SOCS4: variants seen among roughly 807,000 people sequenced by gnomAD.
SOCS4 encodes suppressor of cytokine signaling 4.
In SOCS4, 20 loss-of-function variants were observed where a neutral mutation model predicts 34.1. The ratio of observed to expected loss-of-function variants is 0.59; its 90% CI spans 0.41 to 0.85. SOCS4 has a LOEUF of 0.85. Among genes scored for constraint, SOCS4 ranks in the 40% least tolerant of loss-of-function variants. The pLI is 0.00. For missense variants in SOCS4, 479 were observed against 532.4 expected, an observed-to-expected ratio of 0.90 and a Z score of 0.99; for synonymous variants, 180 against 186.4, an observed-to-expected ratio of 0.97 and a Z score of 0.28.
Position 55,045,454 on chromosome 14 carries a change from G to A in SOCS4, c.*1090G>A, listed in dbSNP as rs1273249713. 1 of 166,876 alleles carries A rather than the reference G, an allele frequency of 6.0e-6. No individual in the cohort carries two copies. Among genetic ancestry groups the A allele is most frequent in the East Asian group, 1.9e-4 (1 of 5,204 alleles). 10.3% of individuals were successfully genotyped at this position (166,876 alleles called of 1,614,324 possible). A position where few individuals can be genotyped will look rare whatever the true frequency, so the allele number is the denominator to read the frequency against. The stretch of plus-strand genomic sequence containing the variant: ...ATTCAGGAAGCTTAATACTGTTTTT[G>A]ATCTACAAGATCCAAATAATTATCC... On this transcript the variant is annotated 3_prime_UTR_variant, in exon 3 of 3. Transcript: ENST00000555846.
Position 55,043,451 on chromosome 14 carries a change from G to T in SOCS4, c.410G>T (p.Arg137Leu), listed in dbSNP as rs2042639950. The T allele has an allele frequency of 6.2e-7, 1 of 1,614,020 alleles. No homozygotes were observed. Among genetic ancestry groups the T allele is most frequent in the African/African-American group, 1.3e-5 (1 of 74,928 alleles). Reference protein sequence around the residue: ...LMLDKCPFPPRSDLAFRWHFI... With the variant: ...LMLDKCPFPPLSDLAFRWHFI... ...TTAGATAAGTGTCCTTTCCCACCTCGATCAGATTTAGCCTTTAGGTGGCAT... is the reference window on the plus strand; with the variant it reads ...TTAGATAAGTGTCCTTTCCCACCTCTATCAGATTTAGCCTTTAGGTGGCAT... Residue 137 changes from arginine to leucine, a missense_variant, in exon 3 of 3, where the codon CGA becomes CTA. Physicochemically the swap from Arg to Leu is moderately radical, Grantham distance 102. Coordinates refer to ENST00000555846, the MANE Select transcript of SOCS4 (RefSeq NM_199421.2).
At position 55,043,825 on chromosome 14, in the gene SOCS4, C is replaced by G. The variant is rs750766651; in HGVS notation, c.784C>G (p.Pro262Ala). The G allele has an allele frequency of 6.2e-7, 1 of 1,614,162 alleles. No homozygotes were observed. Among genetic ancestry groups the G allele is most frequent in the Admixed American group, 1.7e-5 (1 of 60,018 alleles). The stretch of plus-strand genomic sequence containing the variant: ...TGAAATCCTGCAGTTGGAAACACCT[C>G]CTAAATACCACACGCAGATTGATTA... ...DDEILQLETP[P>A]KYHTQIDYVH... Residue 262 changes from proline to alanine, a missense_variant, in exon 3 of 3, where the codon CCT becomes GCT. Physicochemically the swap from Pro to Ala is conservative, Grantham distance 27 (BLOSUM62 -1). Transcript: ENST00000555846.
At chr14:55,040,600 C>T (rs1431196004) in intron 2 of SOCS4, among the ~76,000 whole-genome samples, 8 of 151,818 alleles carry the variant, frequency 5.3e-5, no homozygotes, top group Non-Finnish European at 8.8e-5. Flanking sequence ...AAAAATTAGC[C>T]GGGCGTGGTG....
At position 55,027,335 on chromosome 14, in the gene SOCS4, G is replaced by C; in HGVS notation, c.-356G>C. ...AAGCGGGGTTGGGGGTGGCAGAAAA[G>C]CATCTGCTTTGTAAGACCTACACGA... On this transcript the variant is annotated 5_prime_UTR_variant, in exon 1 of 3. Transcript: ENST00000555846. 5.7e-5 allele frequency: 10 copies of C among 174,002 alleles called. No individual in the cohort carries two copies. The highest frequency in any genetic ancestry group is 4.2e-4 in the South Asian group (3 of 7,144). The allele number at this position is 174,002 out of a possible 1,614,324, so 10.8% of individuals were successfully genotyped here. A position where few individuals can be genotyped will look rare whatever the true frequency, so the allele number is the denominator to read the frequency against.
At chr14:55,036,326 GT>G (rs2140244992) in intron 2 of SOCS4, among the ~76,000 whole-genome samples, 1 of 151,416 alleles carries the variant, frequency 6.6e-6, no homozygotes, top group East Asian at 1.9e-4. Context: ...CTGTCCTTTA[GT>G]CCTGGGACAT....
chr14:55,037,148 A>AT lies in SOCS4; in HGVS notation c.-91+5171dup, dbSNP rs138442784. On this transcript the variant is annotated intron_variant, in intron 2 of 2. Coordinates refer to ENST00000555846, the MANE Select transcript of SOCS4 (RefSeq NM_199421.2). ...AAAAAAAAATTATTTTAGCAATCAT[A>AT]TTTTTTTTTTTTTTGAGACAGAGTC... Among the ~76,000 whole-genome samples the AT allele has an allele frequency of 1.9e-3, 275 of 142,558 alleles. 2 individuals carry two copies. Among genetic ancestry groups the AT allele is most frequent in the South Asian group, 7.8e-3 (34 of 4,382 alleles). The allele number at this position is 142,558 out of a possible 152,430, so 93.5% of individuals were successfully genotyped here.
At position 55,044,387 on chromosome 14, in the gene SOCS4, T is replaced by A. The variant is rs775836960; in HGVS notation, c.*23T>A. On this transcript the variant is annotated 3_prime_UTR_variant, in exon 3 of 3. Coordinates refer to ENST00000555846, the MANE Select transcript of SOCS4 (RefSeq NM_199421.2). ...TAGTAACAGGATGGGAACATGGGAA[T>A]GATAATATATATTTTTTCTTTTAAT... The A allele has an allele frequency of 4.3e-6, 6 of 1,396,734 alleles. No homozygotes were observed. Among genetic ancestry groups the A allele is most frequent in the Non-Finnish European group, 5.6e-6 (6 of 1,067,276 alleles). 86.5% of individuals were successfully genotyped at this position (1,396,734 alleles called of 1,614,324 possible).
At chr14:55,028,042 C>T (rs1031271131) in intron 1 of SOCS4, among the ~76,000 whole-genome samples, 5 of 152,174 alleles carry the variant, frequency 3.3e-5, no homozygotes, top group African/African-American at 1.2e-4. Flanking sequence ...GAATGATATT[C>T]TTTCATTTGT....
At chr14:55,041,783 C>CT (rs35998700) in intron 2 of SOCS4, among the ~76,000 whole-genome samples, 551 of 40,068 alleles carry the variant, frequency 0.014, 95 homozygotes, top group African/African-American at 0.032. Context: ...AACCCTTAAT[C>CT]TTTTTTTTTT....
Position 55,032,854 on chromosome 14 carries a change from C to T in SOCS4, c.-91+863C>T, listed in dbSNP as rs368996708. On this transcript the variant is annotated intron_variant, in intron 2 of 2. Transcript: ENST00000555846. ...TTAGAGTGCAGAGGCACGATCTCAGCTCACTGCAAGGTCCGCCTCCTGGGT... is the reference window on the plus strand; with the variant it reads ...TTAGAGTGCAGAGGCACGATCTCAGTTCACTGCAAGGTCCGCCTCCTGGGT... Among the ~76,000 whole-genome samples the T allele has an allele frequency of 3.5e-4, 53 of 152,216 alleles. No individual in the cohort carries two copies. In the South Asian group the frequency reaches 0.011, roughly 31 times the overall value.
In SOCS4 at chr14:55,043,480, A is replaced by G. The variant is rs2042640241; in HGVS notation, c.439A>G (p.Ile147Val). The G allele has an allele frequency of 6.2e-7, 1 of 1,614,206 alleles. No homozygotes were observed. Among genetic ancestry groups the G allele is most frequent in the Non-Finnish European group, 8.5e-7 (1 of 1,180,036 alleles). ...AGATTTAGCCTTTAGGTGGCATTTT[A>G]TTAAACGACACACTGCTCCTATAAA... ...RSDLAFRWHF[I>V]KRHTAPINSK... The change falls in exon 3 of 3, where the codon ATT becomes GTT. Residue 147 changes from isoleucine to valine, a missense_variant. Coordinates refer to ENST00000555846, the MANE Select transcript of SOCS4 (RefSeq NM_199421.2).
At chr14:55,040,743 C>T (rs1246164409) in intron 2 of SOCS4, among the ~76,000 whole-genome samples, 4 of 143,848 alleles carry the variant, frequency 2.8e-5, no homozygotes, top group Non-Finnish European at 6.1e-5. Context: ...GACTCCATCT[C>T]AAAAAAAAAA....
intron 2 of SOCS4, among the ~76,000 whole-genome samples, chr14:55,034,798 C>T (rs552155337): frequency 3.4e-5 from 5 of 147,846 alleles, no homozygotes; most frequent in African/African-American, 1.3e-4. Context: ...CCAGCCTGGG[C>T]GACAGAGTGA....
rs1316228595 is a variant in SOCS4, at chr14:55,046,905, A to G, written c.*2541A>G. 1.2e-5 allele frequency: 2 copies of G among 167,082 alleles called. No homozygotes were observed. The highest frequency in any genetic ancestry group is 1.3e-4 in the Admixed American group (2 of 15,290). 10.3% of individuals were successfully genotyped at this position (167,082 alleles called of 1,614,324 possible). ...CCTTCCTCTGTGTCTTTGTAAGGAT[A>G]CATTTGGAAGAACATACAGTATTCA... On this transcript the variant is annotated 3_prime_UTR_variant, in exon 3 of 3. Transcript: ENST00000555846.
Position 55,043,849 on chromosome 14 carries a change from T to A in SOCS4, c.808T>A (p.Tyr270Asn). The A allele has an allele frequency of 6.2e-7, 1 of 1,614,186 alleles. No individual in the cohort carries two copies. The highest frequency in any genetic ancestry group is 8.5e-7 in the Non-Finnish European group (1 of 1,180,020). The change falls in exon 3 of 3, where the codon TAT becomes AAT. Residue 270 changes from tyrosine (Y) to asparagine (N), a missense_variant. Coordinates refer to ENST00000555846, the MANE Select transcript of SOCS4 (RefSeq NM_199421.2). ...TPPKYHTQID[Y>N]VHCLVPDLLQ... ...TCCTAAATACCACACGCAGATTGAT[T>A]ATGTCCACTGTCTTGTACCAGACCT...
intron 2 of SOCS4, among the ~76,000 whole-genome samples, chr14:55,033,407 T>C (rs1405275652): frequency 6.6e-6 from 1 of 152,192 alleles, no homozygotes; most frequent in African/African-American, 2.4e-5. Context: ...TTGATAGACT[T>C]CTCTCATTTT....
rs1239533823 is a variant in SOCS4, at chr14:55,047,626, T to G, written c.*3262T>G. The G allele has an allele frequency of 6.0e-6, 1 of 167,104 alleles. No homozygotes were observed. Among genetic ancestry groups the G allele is most frequent in the Non-Finnish European group, 1.5e-5 (1 of 68,120 alleles). 10.4% of individuals were successfully genotyped at this position (167,104 alleles called of 1,614,324 possible). The stretch of plus-strand genomic sequence containing the variant: ...TCCTGAATTTCAGCTAATGGCCAAC[T>G]GTGGTCAAAGAATGGCTTTCAGTTA... On this transcript the variant is annotated 3_prime_UTR_variant, in exon 3 of 3. Coordinates refer to ENST00000555846, the MANE Select transcript of SOCS4 (RefSeq NM_199421.2).
chr14:55,044,003 CTG>C lies in SOCS4; in HGVS notation c.964_965del (p.Val322Ter). On this transcript the variant is annotated frameshift_variant, in exon 3 of 3. Coordinates refer to ENST00000555846, the MANE Select transcript of SOCS4 (RefSeq NM_199421.2). LOFTEE classifies it high-confidence loss of function. ...TCAGCACAGGAAGACTATTTATTCT[CTG>C]TTAGTTTTAGACGCTATAGTCGTTC... 6.2e-7 allele frequency: 1 copy of C among 1,614,112 alleles called. No homozygotes were observed. The highest frequency in any genetic ancestry group is 8.5e-7 in the Non-Finnish European group (1 of 1,179,990).
At chr14:55,034,707 G>C (rs1055260615) in intron 2 of SOCS4, among the ~76,000 whole-genome samples, 1 of 151,664 alleles carries the variant, frequency 6.6e-6, no homozygotes, top group African/African-American at 2.4e-5. Context: ...GCGGTGGCAG[G>C]TGCCTGTAAT....
Sources: gnomAD v4.1 joint callset for allele counts (sites outside exome capture counted in the v4.1 genomes callset) on GRCh38, gnomAD v4.1.1 for gene constraint, MANE v1.5 for transcripts, NCBI Gene and HGNC (gene_info 2026-07-23, HGNC 2026-07-21) for gene names.